The following NLRP11 variants were observed in gnomAD, a reference collection of about 807,000 sequenced individuals.
NLRP11 encodes NACHT, LRR and PYD domains-containing protein 11.
Under a neutral mutation model 79.3 loss-of-function variants are expected in NLRP11, and 53 were observed. That is an observed-to-expected ratio of 0.67 (90% CI 0.54 to 0.84). The LOEUF (loss-of-function observed/expected upper bound fraction) is 0.84. NLRP11 is among the 40% of genes least tolerant of loss of function. The pLI, the probability that NLRP11 is intolerant of heterozygous loss-of-function variation, is 0.00. For missense variants in NLRP11, 1,264 were observed against 1,255.0 expected (o/e 1.01, Z -0.11); for synonymous variants, 518 against 462.6 (o/e 1.12, Z -1.54).
At chr19:55,814,670 A>T (rs1980913111) in intron 2 of NLRP11, among the ~76,000 whole-genome samples, 1 of 152,242 alleles carries the variant, frequency 6.6e-6, no homozygotes, top group Non-Finnish European at 1.5e-5. Context: ...TGTAATTTTT[A>T]AAATATCTAA....
upstream of NLRP11, chr19:55,832,678 A>G (rs1182654389): frequency 6.6e-6 from 1 of 152,256 alleles, no homozygotes; most frequent in Non-Finnish European, 1.5e-5. Context: ...CAAAAGGGGA[A>G]ATATAAAAGA....
At chr19:55,813,244 C>G (rs1444875513) in intron 2 of NLRP11, among the ~76,000 whole-genome samples, 1 of 152,156 alleles carries the variant, frequency 6.6e-6, no homozygotes, top group Admixed American at 6.5e-5. Context: ...AGGAGAATCA[C>G]TTGAACCAAG....
chr19:55,811,077 CA>C (rs1366106435), intron 2 of NLRP11, among the ~76,000 whole-genome samples: 1 of 152,136 alleles, frequency 6.6e-6, no homozygotes, highest in Non-Finnish European at 1.5e-5. Context: ...CATCTTGGCC[CA>C]TCAGTCATGA....
At chr19:55,831,098 C>CCCCCCCCCAATCCCCCCCACCCCCCTGCT (rs1982725553) in intron 1 of NLRP11, among the ~76,000 whole-genome samples, 1 of 118,302 alleles carries the variant, frequency 8.5e-6, no homozygotes. Flanking sequence ...ACCCACCGCC[C>CCCCCCCCCAATCCCCCCCACCCCCCTGCT]CACCCCCCCC....
Position 55,810,350 on chromosome 19 carries a change from AG to A in NLRP11, c.272-13del. ...TGCCTCCTGATTGCCTAATCCAGCG[AG>A]TACAGGGCAGAAAATACAGAACAAA... On this transcript the variant is annotated splice_polypyrimidine_tract_variant and intron_variant, in intron 2 of 9. Transcript: ENST00000589093. 1 of 1,587,726 alleles carries A rather than the reference AG, an allele frequency of 6.3e-7. No homozygotes were observed. Among genetic ancestry groups the A allele is most frequent in the South Asian group, 1.2e-5 (1 of 86,800 alleles).
chr19:55,798,439 T>G (rs1490583727), intron 5 of NLRP11: 1 of 513,370 alleles, frequency 1.9e-6, no homozygotes, highest in Non-Finnish European at 2.5e-6. Context: ...TGTTCTCACT[T>G]ACAGATGGGA....
At chr19:55,811,663 A>G (rs1980617605) in intron 2 of NLRP11, among the ~76,000 whole-genome samples, 1 of 152,082 alleles carries the variant, frequency 6.6e-6, no homozygotes, top group African/African-American at 2.4e-5. Flanking sequence ...GTTTTTATCT[A>G]TGACGTTTAG....
At position 55,798,467 on chromosome 19, in the gene NLRP11, C is replaced by T. The variant is rs111931353; in HGVS notation, c.2172-2217G>A. The T allele has an allele frequency of 5.1e-3, 1,394 of 273,386 alleles. 4 individuals are homozygous for T. Among genetic ancestry groups the T allele is most frequent in the South Asian group, 0.012 (84 of 7,204 alleles). The allele number at this position is 273,386 out of a possible 1,614,324, so 16.9% of individuals were successfully genotyped here. A position where few individuals can be genotyped will look rare whatever the true frequency, so the allele number is the denominator to read the frequency against. On this transcript the variant is annotated intron_variant, in intron 5 of 9. Coordinates refer to ENST00000589093, the Ensembl canonical transcript of NLRP11. ...AGATGGGAGCTAAATGATGAGAACACATGGACACATAGAGGGGAACAATAC... is the reference window on the plus strand; with the variant it reads ...AGATGGGAGCTAAATGATGAGAACATATGGACACATAGAGGGGAACAATAC...
chr19:55,820,813 A>T (rs1338711294), intron 1 of NLRP11, among the ~76,000 whole-genome samples: 1 of 152,180 alleles, frequency 6.6e-6, no homozygotes, highest in Non-Finnish European at 1.5e-5. Context: ...AAAAGCAGTG[A>T]ATGGGACTGG....
intron 6 of NLRP11, among the ~76,000 whole-genome samples, chr19:55,794,779 A>G (rs980211251): frequency 2.6e-5 from 4 of 152,172 alleles, no homozygotes; most frequent in African/African-American, 9.7e-5. Context: ...AAATAAATAA[A>G]AGCATACATA....
At chr19:55,829,869 TC>T (rs1037877177) in intron 1 of NLRP11, among the ~76,000 whole-genome samples, 72 of 152,242 alleles carry the variant, frequency 4.7e-4, no homozygotes, top group African/African-American at 1.6e-3. Flanking sequence ...ACTTTTGACT[TC>T]CAACACTCAT....
rs1263730478 is a variant in NLRP11 at position 55,801,753 on chromosome 19, A to G, written c.2004-14T>C. 3.7e-6 allele frequency: 6 copies of G among 1,612,796 alleles called. No homozygotes were observed. Among genetic ancestry groups the G allele is most frequent in the Non-Finnish European group, 5.1e-6 (6 of 1,178,824 alleles). On this transcript the variant is annotated splice_polypyrimidine_tract_variant and intron_variant, in intron 4 of 9. Coordinates refer to ENST00000589093, the Ensembl canonical transcript of NLRP11. ...ACATAGGACAACCTGTGGAAGACATAATAGCAGGAAAGCACTAGTGAAGGT... is the reference window on the plus strand; with the variant it reads ...ACATAGGACAACCTGTGGAAGACATGATAGCAGGAAAGCACTAGTGAAGGT...
At chr19:55,819,126 TACACACACAC>T (rs59055964) in intron 1 of NLRP11, among the ~76,000 whole-genome samples, 5,551 of 105,086 alleles carry the variant, frequency 0.053, 183 homozygotes, top group Admixed American at 0.07. Flanking sequence ...TGGTATCGCC[TACACACACAC>T]ACACACACAC....
chr19:55,789,283 A>G, exon 8 of NLRP11: 1 of 1,614,234 alleles, frequency 6.2e-7, no homozygotes, highest in Non-Finnish European at 8.5e-7. Context: ...TAGCAGCTGC[A>G]TTCCTGCATC....
upstream of NLRP11, chr19:55,832,101 G>A (rs199475858): frequency 6.6e-6 from 1 of 152,334 alleles, no homozygotes; most frequent in East Asian, 1.9e-4. Flanking sequence ...TGACCTTCGC[G>A]ATGGAGGGGA....
intron 9 of NLRP11, among the ~76,000 whole-genome samples, chr19:55,787,398 G>A (rs530682903): frequency 1.6e-4 from 24 of 152,286 alleles, no homozygotes; most frequent in African/African-American, 5.3e-4. Context: ...GTGCAATGGT[G>A]CGATCTCGGC....
intron 6 of NLRP11, among the ~76,000 whole-genome samples, chr19:55,792,902 G>A (rs73933382): frequency 0.01 from 1,585 of 152,242 alleles, 21 homozygotes; most frequent in African/African-American, 0.036. Context: ...GGAGACAGAC[G>A]GCACACCAGA....
At chr19:55,815,308 C>T (rs908621916) in intron 2 of NLRP11, among the ~76,000 whole-genome samples, 2 of 152,068 alleles carry the variant, frequency 1.3e-5, no homozygotes, top group Non-Finnish European at 2.9e-5. Context: ...GCGGGCGGAT[C>T]ACCTGAGGTC....
chr19:55,811,970 T>TACACACACACAC lies in NLRP11; in HGVS notation c.272-1644_272-1633dup, dbSNP rs3973377. ...CAGAAGCTGTCCAGTTTCACACATG[T>TACACACACACAC]ACACACACACACACACACACACACA... On this transcript the variant is annotated intron_variant, in intron 2 of 9. Transcript: ENST00000589093. 5.8e-3 allele frequency among the ~76,000 whole-genome samples: 858 copies of TACACACACACAC among 149,204 alleles called. 3 individuals carry two copies. Among genetic ancestry groups the TACACACACACAC allele is most frequent in the South Asian group, 0.02 (93 of 4,706 alleles).
Sources: allele counts gnomAD v4.1 joint callset (sites outside exome capture counted in the v4.1 genomes callset), GRCh38; gene constraint gnomAD v4.1.1; transcripts MANE v1.5; gene names NCBI Gene and HGNC (gene_info 2026-07-23, HGNC 2026-07-21).